Variants in KALRN observed in about 807,000 individuals in gnomAD.
KALRN encodes kalirin.
A neutral mutation model predicts 353.7 loss-of-function variants in KALRN; 70 were observed. The observed-to-expected ratio is 0.20, with a 90% CI of 0.16 to 0.24. KALRN has a LOEUF of 0.24. Ranked by LOEUF, KALRN falls within the 10% of genes least tolerant of loss-of-function variation. The pLI is 1.00. For missense variants in KALRN, 2,791 were observed against 3,756.7 expected, an observed-to-expected ratio of 0.74 and a Z score of 6.72; for synonymous variants, 1,391 against 1,434.8, an observed-to-expected ratio of 0.97 and a Z score of 0.69.
intron 33 of KALRN, chr3:124,505,014 G>C: frequency 2.1e-6 from 1 of 474,556 alleles, no homozygotes; most frequent in Non-Finnish European, 4.4e-6. Context: ...TGGTTGGAGG[G>C]AGGGGAGGGG....
chr3:124,632,809 C>T, intron 35 of KALRN, 106 bp downstream of exon 35: 1 of 1,062,560 alleles, frequency 9.4e-7, no homozygotes, highest in South Asian at 1.5e-5. Flanking sequence ...TAGTGTGTTA[C>T]CTTGAGCCTA....
At chr3:124,144,897 T>C (rs1156759806) in intron 1 of KALRN, among the ~76,000 whole-genome samples, 1 of 152,128 alleles carries the variant, frequency 6.6e-6, no homozygotes, top group Non-Finnish European at 1.5e-5. Flanking sequence ...AAACATGAAA[T>C]AGATGAGATA....
chr3:124,594,872 C>T lies in KALRN; in HGVS notation c.5182+31783C>T, dbSNP rs369268837. ...AGTTATGAGGTATTGGGAATCTTCT[C>T]ACCCTGGGGCCTTCTCATTGTGCAG... On this transcript the variant is annotated intron_variant, in intron 34 of 59. Coordinates refer to ENST00000682506, the MANE Select transcript of KALRN (RefSeq NM_001388419.1). 1.8e-4 allele frequency among the ~76,000 whole-genome samples: 28 copies of T among 152,282 alleles called. No individual in the cohort carries two copies. In the East Asian group the frequency reaches 4.6e-3, roughly 25 times the overall value.
intron 1 of KALRN, among the ~76,000 whole-genome samples, chr3:124,099,100 ATTT>A (rs2061656349): frequency 6.6e-6 from 1 of 152,222 alleles, no homozygotes; most frequent in African/African-American, 2.4e-5. Flanking sequence ...AACGTTTCTT[ATTT>A]ATGTTAGGAA....
intron 51 of KALRN, among the ~76,000 whole-genome samples, chr3:124,690,695 C>T (rs1299415729): frequency 3.3e-5 from 5 of 152,170 alleles, no homozygotes; most frequent in African/African-American, 1.2e-4. Context: ...CCTATCTCAC[C>T]TAGGAAATGG....
intron 10 of KALRN, among the ~76,000 whole-genome samples, chr3:124,362,410 G>A (rs1350398284): frequency 9.2e-5 from 14 of 152,252 alleles, no homozygotes; most frequent in Non-Finnish European, 2.1e-4. Context: ...GACAGAGGGA[G>A]CTGAGATCTT....
At chr3:124,220,773 C>A (rs1348408334) in intron 1 of KALRN, among the ~76,000 whole-genome samples, 1 of 152,210 alleles carries the variant, frequency 6.6e-6, no homozygotes, top group Non-Finnish European at 1.5e-5. Context: ...ATGCTTCCTG[C>A]CTCTCCTTGG....
At chr3:124,110,929 T>G (rs2062902240) in intron 1 of KALRN, among the ~76,000 whole-genome samples, 1 of 152,216 alleles carries the variant, frequency 6.6e-6, no homozygotes, top group African/African-American at 2.4e-5. Flanking sequence ...CACAGCTTAG[T>G]TTTGCTACTA....
chr3:124,392,924 C>A (rs1164797664), intron 11 of KALRN, among the ~76,000 whole-genome samples: 3 of 145,918 alleles, frequency 2.1e-5, no homozygotes, highest in African/African-American at 7.6e-5. Flanking sequence ...TCTCCCAATG[C>A]TATCCCTCCC....
At chr3:124,152,557 CTTTT>C (rs2068275268) in intron 1 of KALRN, 6 of 618,294 alleles carry the variant, frequency 9.7e-6, no homozygotes, top group Non-Finnish European at 1.7e-5. Context: ...TTTTTCTTTT[CTTTT>C]CTTTTCTTTT....
intron 6 of KALRN, among the ~76,000 whole-genome samples, chr3:124,300,556 A>T (rs1407524196): frequency 1.3e-5 from 2 of 152,214 alleles, no homozygotes; most frequent in Non-Finnish European, 2.9e-5. Flanking sequence ...ACTAGAAGTG[A>T]TACATTTGCT....
chr3:124,055,293 T>C (rs2041426323), intron 1 of KALRN, among the ~76,000 whole-genome samples: 1 of 152,198 alleles, frequency 6.6e-6, no homozygotes, highest in Non-Finnish European at 1.5e-5. Context: ...AACTGACTGC[T>C]GGAGGGATGC....
intron 14 of KALRN, among the ~76,000 whole-genome samples, chr3:124,420,646 G>A (rs1459467060): frequency 1.3e-5 from 2 of 152,122 alleles, no homozygotes; most frequent in African/African-American, 2.4e-5. Context: ...TATTTCAGGA[G>A]CTAGGACTTG....
intron 3 of KALRN, 33 bp from the exon 4 acceptor site, chr3:124,264,465 G>A (rs771393052): frequency 1.2e-6 from 2 of 1,602,246 alleles, no homozygotes; most frequent in Non-Finnish European, 1.7e-6. Flanking sequence ...CAGCTACCCA[G>A]AGTGACCATA....
At chr3:124,304,528 C>T (rs781548138) in intron 6 of KALRN, among the ~76,000 whole-genome samples, 1 of 152,230 alleles carries the variant, frequency 6.6e-6, no homozygotes, top group Non-Finnish European at 1.5e-5. Context: ...AAGGACAGTT[C>T]ACTTCCAGCA....
At chr3:124,068,997 C>G (rs4073611) in intron 1 of KALRN, among the ~76,000 whole-genome samples, 165 of 152,110 alleles carry the variant, frequency 1.1e-3, no homozygotes, top group African/African-American at 3.7e-3. Context: ...CTGCTTTGGT[C>G]TGTCTGGATG....
At chr3:124,658,693 A>G (rs1235593189) in intron 42 of KALRN, among the ~76,000 whole-genome samples, 176 bp downstream of exon 42, 1 of 152,216 alleles carries the variant, frequency 6.6e-6, no homozygotes, top group Non-Finnish European at 1.5e-5. Context: ...CTAAATTCTC[A>G]TGAGCACCTT....
intron 51 of KALRN, 92 bp downstream of exon 51, chr3:124,679,609 C>A: frequency 2.8e-6 from 3 of 1,088,648 alleles, no homozygotes; most frequent in Non-Finnish European, 4.3e-6. Context: ...ACCAGCCATT[C>A]AAAGATAAAT....
At chr3:124,052,236 T>G (rs144855153) in intron 1 of KALRN, among the ~76,000 whole-genome samples, 1 of 152,198 alleles carries the variant, frequency 6.6e-6, no homozygotes, top group Admixed American at 6.5e-5. Context: ...TTGGGGAGGA[T>G]CATCCTGACA....
Sources: allele counts gnomAD v4.1 joint callset (sites outside exome capture counted in the v4.1 genomes callset), GRCh38; gene constraint gnomAD v4.1.1; transcripts MANE v1.5; gene names NCBI Gene and HGNC (gene_info 2026-07-23, HGNC 2026-07-21).